Variants in NEK1 observed in about 807,000 individuals in gnomAD.
NEK1 encodes NIMA related kinase 1.
NEK1 carries 137 observed loss-of-function variants against 182.1 expected under a neutral mutation model. The observed-to-expected ratio is 0.75, with a 90% confidence interval of 0.65 to 0.87. NEK1 has a LOEUF of 0.87. Ranked by LOEUF, NEK1 falls within the 40% of genes least tolerant of loss-of-function variation. NEK1 has a pLI of 0.00. For missense variants in NEK1, 1,391 were observed against 1,494.4 expected (o/e 0.93, Z 1.14); for synonymous variants, 513 against 492.2 (o/e 1.04, Z -0.56).
At chr4:169,564,006 A>G (rs1485312301) in intron 12 of NEK1, among the ~76,000 whole-genome samples, 2 of 152,026 alleles carry the variant, frequency 1.3e-5, no homozygotes, top group African/African-American at 4.8e-5. Context: ...TCTTTTTTCC[A>G]GGATTTCTGC....
At chr4:169,588,041 G>A (rs1380281960) in intron 8 of NEK1, among the ~76,000 whole-genome samples, 18 of 152,034 alleles carry the variant, frequency 1.2e-4, no homozygotes, top group Non-Finnish European at 4.4e-5. Context: ...TTTCCAATTA[G>A]AGAGAGAAAA....
At chr4:169,483,091 T>C (rs1748388507) in intron 23 of NEK1, among the ~76,000 whole-genome samples, 1 of 152,204 alleles carries the variant, frequency 6.6e-6, no homozygotes, top group Non-Finnish European at 1.5e-5. Context: ...TGCAACTCTT[T>C]TACTTGAATA....
chr4:169,500,528 G>A (rs992686641), intron 23 of NEK1, among the ~76,000 whole-genome samples: 4 of 152,040 alleles, frequency 2.6e-5, no homozygotes, highest in African/African-American at 9.7e-5. Flanking sequence ...GTTCCTATTC[G>A]GCCATCTTGG....
chr4:169,413,842 C>T (rs1373128353), intron 31 of NEK1, among the ~76,000 whole-genome samples: 1 of 152,142 alleles, frequency 6.6e-6, no homozygotes, highest in East Asian at 1.9e-4. Flanking sequence ...CACGGTGAAA[C>T]TCCGTCTCCA....
intron 11 of NEK1, 71 bp downstream of exon 11, chr4:169,580,771 C>T (rs951051122): frequency 4.6e-6 from 4 of 874,290 alleles, no homozygotes; most frequent in Non-Finnish European, 5.6e-6. Context: ...ACTACATCTA[C>T]ATATATTTCC....
chr4:169,589,526 AG>A lies in NEK1; in HGVS notation c.397-13del. 1 of 1,406,864 alleles carries A rather than the reference AG, an allele frequency of 7.1e-7. No individual in the cohort carries two copies. Among genetic ancestry groups the A allele is most frequent in the East Asian group, 2.5e-5 (1 of 40,028 alleles). The allele number at this position is 1,406,864 out of a possible 1,614,324, so 87.1% of individuals were successfully genotyped here. A position where few individuals can be genotyped will look rare whatever the true frequency, so the allele number is the denominator to read the frequency against. On this transcript the variant is annotated splice_polypyrimidine_tract_variant and intron_variant, in intron 6 of 35. Transcript: ENST00000507142. Reference sequence around the variant, plus strand: ...GTTAAAAATATGTTCTGTAAAAGACAGGAAAAAAAAAAACCCTAGAAATATT... The same window carrying A: ...GTTAAAAATATGTTCTGTAAAAGACAGAAAAAAAAAAACCCTAGAAATATT...
At chr4:169,398,178 A>C (rs560175208) in intron 35 of NEK1, among the ~76,000 whole-genome samples, 2 of 152,290 alleles carry the variant, frequency 1.3e-5, no homozygotes, top group African/African-American at 4.8e-5. Context: ...ATCCACAAGT[A>C]CCAGAAAATG....
chr4:169,542,717 T>C (rs1355842159), intron 18 of NEK1, among the ~76,000 whole-genome samples: 1 of 152,172 alleles, frequency 6.6e-6, no homozygotes, highest in Admixed American at 6.5e-5. Flanking sequence ...TATCTCATTG[T>C]GGTTTTGATT....
At chr4:169,471,569 T>A (rs971643122) in intron 26 of NEK1, among the ~76,000 whole-genome samples, 1 of 152,168 alleles carries the variant, frequency 6.6e-6, no homozygotes, top group African/African-American at 2.4e-5. Flanking sequence ...CGTCCCCTGC[T>A]GGGAGGTGTC....
Position 169,440,412 on chromosome 4 carries a change from T to C in NEK1, c.2588-2153A>G, listed in dbSNP as rs112195923. 3.4e-3 allele frequency among the ~76,000 whole-genome samples: 505 copies of C among 149,546 alleles called. 4 individuals carry two copies. The highest frequency in any genetic ancestry group is 0.012 in the African/African-American group (477 of 38,844). ...AATCAATCAATGCAATTTGCAACATTAATATAATAAAAGAGAAATTATACT... is the reference window on the plus strand; with the variant it reads ...AATCAATCAATGCAATTTGCAACATCAATATAATAAAAGAGAAATTATACT... On this transcript the variant is annotated intron_variant, in intron 27 of 35. Transcript: ENST00000507142.
At chr4:169,507,637 T>G in intron 22 of NEK1, 78 bp downstream of exon 22, 1 of 1,011,962 alleles carries the variant, frequency 9.9e-7, no homozygotes, top group South Asian at 1.5e-5. Flanking sequence ...GATATAACTA[T>G]GCAAAACTTA....
chr4:169,555,730 T>C lies in NEK1; in HGVS notation c.1552A>G (p.Asn518Asp), dbSNP rs1399394924. ...TCATCACAGTCCAACCTGTTTGCATTGGCTTGTTTAGACACCGCCTTCAAT... is the reference window on the plus strand; with the variant it reads ...TCATCACAGTCCAACCTGTTTGCATCGGCTTGTTTAGACACCGCCTTCAAT... ...KRLKAVSKQA[N>D]ANRQKGQLAV... is the part of the protein sequence containing the mutation. Residue 518 changes from asparagine (N) to aspartate (D), a missense_variant, in exon 18 of 36, where the codon AAT becomes GAT. Coordinates refer to ENST00000507142, the MANE Select transcript of NEK1 (RefSeq NM_001199397.3). The C allele has an allele frequency of 6.2e-7, 1 of 1,613,712 alleles. No homozygotes were observed. The highest frequency in any genetic ancestry group is 8.5e-7 in the Non-Finnish European group (1 of 1,179,770).
intron 23 of NEK1, among the ~76,000 whole-genome samples, chr4:169,492,437 T>G (rs1750282095): frequency 6.6e-6 from 1 of 152,166 alleles, no homozygotes; most frequent in Non-Finnish European, 1.5e-5. Flanking sequence ...GCAGAAACTG[T>G]AGGTGGGAGT....
At chr4:169,483,722 C>G (rs973909629) in intron 23 of NEK1, among the ~76,000 whole-genome samples, 1 of 151,666 alleles carries the variant, frequency 6.6e-6, no homozygotes, top group East Asian at 1.9e-4. Context: ...AAAAATTGGC[C>G]GGGCATGGTG....
chr4:169,571,625 C>A (rs1764866093), intron 12 of NEK1, among the ~76,000 whole-genome samples: 1 of 152,150 alleles, frequency 6.6e-6, no homozygotes, highest in Non-Finnish European at 1.5e-5. Context: ...TTAAGGACAA[C>A]AGGTTTGGCA....
intron 16 of NEK1, among the ~76,000 whole-genome samples, chr4:169,559,390 G>C (rs924402757): frequency 2.6e-5 from 4 of 152,072 alleles, no homozygotes; most frequent in Non-Finnish European, 4.4e-5. Context: ...TGATCATTCA[G>C]GAGGTAATAA....
At chr4:169,606,266 A>C (rs904644555) in intron 2 of NEK1, among the ~76,000 whole-genome samples, 2 of 148,934 alleles carry the variant, frequency 1.3e-5, no homozygotes, top group African/African-American at 5.0e-5. Flanking sequence ...TACTAGATTG[A>C]CCCGTACATA....
intron 12 of NEK1, among the ~76,000 whole-genome samples, chr4:169,564,591 C>A (rs28708569): frequency 0.089 from 13,542 of 151,914 alleles, 789 homozygotes; most frequent in African/African-American, 0.16. Flanking sequence ...AATGTGTCAC[C>A]ATATATTAAA....
At chr4:169,496,753 C>T (rs1003902203) in intron 23 of NEK1, among the ~76,000 whole-genome samples, 60 of 152,006 alleles carry the variant, frequency 3.9e-4, no homozygotes, top group Non-Finnish European at 6.5e-4. Context: ...AGGGATGAAG[C>T]CCACTTGATC....
Sources: allele counts gnomAD v4.1 joint callset (sites outside exome capture counted in the v4.1 genomes callset), GRCh38; gene constraint gnomAD v4.1.1; transcripts MANE v1.5; gene names NCBI Gene and HGNC (gene_info 2026-07-23, HGNC 2026-07-21).